VWA8: variants seen among roughly 807,000 people sequenced by gnomAD.
The protein encoded by VWA8 is von Willebrand factor A domain containing 8.
A neutral mutation model predicts 241.5 loss-of-function variants in VWA8; 221 were observed. The ratio of observed to expected loss-of-function variants is 0.91; its 90% CI spans 0.82 to 1.02. The LOEUF is 1.02. VWA8 is among the 50% of genes least tolerant of loss of function. VWA8 has a pLI of 0.00. For missense variants in VWA8, 2,322 were observed against 2,328.7 expected, an observed-to-expected ratio of 1.00 and a Z score of 0.06; for synonymous variants, 852 against 827.1, an observed-to-expected ratio of 1.03 and a Z score of -0.52.
At chr13:41,949,000 C>A (rs1877990420) in intron 2 of VWA8, among the ~76,000 whole-genome samples, 2 of 116,856 alleles carry the variant, frequency 1.7e-5, no homozygotes, top group Admixed American at 1.0e-4. Context: ...TTATATATAG[C>A]TAAAGAACAA....
intron 26 of VWA8, among the ~76,000 whole-genome samples, chr13:41,708,372 A>G (rs2045295896): frequency 6.6e-6 from 1 of 152,106 alleles, no homozygotes; most frequent in Non-Finnish European, 1.5e-5. Flanking sequence ...AAAAAAAAAA[A>G]ATTTGTATGT....
At chr13:41,743,872 T>C (rs2045585581) in intron 21 of VWA8, among the ~76,000 whole-genome samples, 2 of 152,188 alleles carry the variant, frequency 1.3e-5, no homozygotes, top group African/African-American at 2.4e-5. Flanking sequence ...CAATAAAAGT[T>C]TGTTGCAATA....
intron 24 of VWA8, among the ~76,000 whole-genome samples, chr13:41,725,062 T>G (rs2045421598): frequency 6.6e-6 from 1 of 152,084 alleles, no homozygotes; most frequent in South Asian, 2.1e-4. Flanking sequence ...GAGTTGGCAG[T>G]AACCAACTCT....
At chr13:41,749,748 C>T (rs574082271) in intron 21 of VWA8, among the ~76,000 whole-genome samples, 2 of 151,966 alleles carry the variant, frequency 1.3e-5, no homozygotes, top group South Asian at 2.1e-4. Flanking sequence ...AGCAAACTAT[C>T]GCAAGGACAA....
chr13:41,596,250 G>T (rs1362451124), intron 40 of VWA8, among the ~76,000 whole-genome samples: 1 of 152,014 alleles, frequency 6.6e-6, no homozygotes, highest in African/African-American at 2.4e-5. Flanking sequence ...AGATAAATAT[G>T]GGTAGAAATC....
At chr13:41,681,007 G>A (rs2045094961) in intron 35 of VWA8, among the ~76,000 whole-genome samples, 2 of 152,204 alleles carry the variant, frequency 1.3e-5, no homozygotes, top group South Asian at 4.1e-4. Flanking sequence ...GGGCCTCTGT[G>A]TTCATCTCTG....
At chr13:41,787,276 TA>T (rs1869237937) in intron 18 of VWA8, among the ~76,000 whole-genome samples, 160 bp downstream of exon 18, 1 of 148,500 alleles carries the variant, frequency 6.7e-6, no homozygotes. Context: ...TTTTCAAACT[TA>T]AAAAAATCAG....
chr13:41,956,601 G>A (rs1320234897), intron 1 of VWA8, among the ~76,000 whole-genome samples: 2 of 152,150 alleles, frequency 1.3e-5, no homozygotes, highest in East Asian at 1.9e-4. Context: ...CCACAGTATA[G>A]TTCTTTCCTC....
chr13:41,819,483 C>G, intron 14 of VWA8, 97 bp from the exon 15 acceptor site: 1 of 1,226,492 alleles, frequency 8.2e-7, no homozygotes, highest in Non-Finnish European at 1.1e-6. Flanking sequence ...GGCTATCATA[C>G]TGTTAATAAT....
At chr13:41,705,584 G>A (rs1190951344) in intron 26 of VWA8, among the ~76,000 whole-genome samples, 3 of 152,186 alleles carry the variant, frequency 2.0e-5, no homozygotes, top group Admixed American at 6.5e-5. Context: ...AAGAGATTTG[G>A]GTTTTAGTTC....
At chr13:41,810,206 A>G (rs1870404240) in intron 17 of VWA8, among the ~76,000 whole-genome samples, 1 of 152,114 alleles carries the variant, frequency 6.6e-6, no homozygotes, top group African/African-American at 2.4e-5. Flanking sequence ...TCAAAAAAAG[A>G]AGAAAAAAAA....
At chr13:41,841,739 C>G (rs1305197720) in intron 12 of VWA8, among the ~76,000 whole-genome samples, 1 of 125,400 alleles carries the variant, frequency 8.0e-6, no homozygotes, top group African/African-American at 3.1e-5. Flanking sequence ...GAGCCGAGAT[C>G]GCGCCACTGC....
At chr13:41,568,726 G>T (rs889239593) in intron 44 of VWA8, among the ~76,000 whole-genome samples, 3 of 152,096 alleles carry the variant, frequency 2.0e-5, no homozygotes, top group African/African-American at 4.8e-5. Flanking sequence ...TAGAAAACAG[G>T]CCTCTAAAAA....
chr13:41,629,302 CA>C (rs1280946903), intron 37 of VWA8, among the ~76,000 whole-genome samples: 1 of 152,064 alleles, frequency 6.6e-6, no homozygotes, highest in African/African-American at 2.4e-5. Context: ...ACCCATGTAA[CA>C]AACCTGCACA....
At chr13:41,702,628 C>T (rs1279855019) in intron 27 of VWA8, among the ~76,000 whole-genome samples, 1 of 152,214 alleles carries the variant, frequency 6.6e-6, no homozygotes, top group Non-Finnish European at 1.5e-5. Context: ...TGTTTACGTA[C>T]TGCCATGGCT....
chr13:41,609,290 G>A (rs563519467), intron 39 of VWA8, among the ~76,000 whole-genome samples: 1 of 152,288 alleles, frequency 6.6e-6, no homozygotes, highest in East Asian at 1.9e-4. Flanking sequence ...ACCTCATTCT[G>A]CATATGCCTA....
In VWA8 at chr13:41,761,303, C is replaced by G. The variant is rs1487091491; in HGVS notation, c.2350-99G>C. ...TCTTTTACCAAAACCTGCTTTCTCA[C>G]CTTGTTACTGTTTTAGTTTATTGTT... On this transcript the variant is annotated intron_variant, in intron 20 of 44. Transcript: ENST00000379310. 2.6e-6 allele frequency: 3 copies of G among 1,133,178 alleles called. No individual in the cohort carries two copies. In the East Asian group the frequency reaches 7.3e-5, roughly 27 times the overall value. 70.2% of individuals were successfully genotyped at this position (1,133,178 alleles called of 1,614,324 possible).
At chr13:41,712,517 T>A (rs1234623636) in intron 26 of VWA8, among the ~76,000 whole-genome samples, 1 of 152,200 alleles carries the variant, frequency 6.6e-6, no homozygotes, top group Admixed American at 6.5e-5. Flanking sequence ...TAGTCCTCAA[T>A]GCAAATATCT....
intron 1 of VWA8, among the ~76,000 whole-genome samples, chr13:41,958,826 C>T (rs1878461195): frequency 6.6e-6 from 1 of 152,196 alleles, no homozygotes; most frequent in Non-Finnish European, 1.5e-5. Context: ...TGTAATATGT[C>T]CATGACTCTC....
Sources: gnomAD v4.1 joint callset for allele counts (sites outside exome capture counted in the v4.1 genomes callset) on GRCh38, gnomAD v4.1.1 for gene constraint, MANE v1.5 for transcripts, NCBI Gene and HGNC (gene_info 2026-07-23, HGNC 2026-07-21) for gene names.